The following SPOCK3 variants were observed in gnomAD, a reference collection of about 807,000 sequenced individuals.
SPOCK3 encodes testican-3.
SPOCK3 carries 30 observed loss-of-function variants against 56.6 expected under a neutral mutation model. That is an observed-to-expected ratio of 0.53 (90% confidence interval 0.40 to 0.72). The LOEUF (loss-of-function observed/expected upper bound fraction) is 0.72. Among genes scored for constraint, SPOCK3 ranks in the 30% least tolerant of loss-of-function variants. SPOCK3 has a pLI of 0.00. For synonymous variants in SPOCK3, 196 were observed against 183.3 expected (o/e 1.07, Z -0.56); for missense variants, 527 against 530.0 (o/e 0.99, Z 0.06).
intron 2 of SPOCK3, among the ~76,000 whole-genome samples, chr4:167,069,220 A>G (rs1756438720): frequency 6.6e-6 from 1 of 151,886 alleles, no homozygotes; most frequent in Non-Finnish European, 1.5e-5. Context: ...GGCTTTCAGG[A>G]CATTCTCGTG....
At chr4:167,094,520 T>C (rs1423025752) in intron 2 of SPOCK3, among the ~76,000 whole-genome samples, 2 of 152,038 alleles carry the variant, frequency 1.3e-5, no homozygotes, top group Admixed American at 6.6e-5. Context: ...GAAAAAAATC[T>C]AACAATCATA....
intron 4 of SPOCK3, among the ~76,000 whole-genome samples, chr4:166,942,856 G>T (rs1741268022): frequency 6.6e-6 from 1 of 152,136 alleles, no homozygotes; most frequent in South Asian, 2.1e-4. Context: ...AATATTCATG[G>T]CTTAATGAAA....
chr4:166,968,529 G>C (rs1745002125), intron 4 of SPOCK3, among the ~76,000 whole-genome samples: 1 of 152,214 alleles, frequency 6.6e-6, no homozygotes, highest in Admixed American at 6.5e-5. Flanking sequence ...GTGCAGCTCA[G>C]GCTGTTGCTT....
chr4:166,850,516 C>T (rs975904805), intron 6 of SPOCK3, among the ~76,000 whole-genome samples: 2 of 152,164 alleles, frequency 1.3e-5, no homozygotes, highest in Non-Finnish European at 2.9e-5. Flanking sequence ...GCGTGAGCAA[C>T]GCAGAAGACA....
chr4:167,102,154 G>A (rs1181087783), intron 2 of SPOCK3, among the ~76,000 whole-genome samples: 3 of 152,098 alleles, frequency 2.0e-5, no homozygotes, highest in Non-Finnish European at 4.4e-5. Context: ...AGCCTTATAA[G>A]GAGATCAGAT....
intron 2 of SPOCK3, among the ~76,000 whole-genome samples, chr4:167,105,846 T>C (rs993638216): frequency 1.6e-4 from 24 of 151,916 alleles, no homozygotes; most frequent in Middle Eastern, 3.4e-3. Context: ...AGTAGTTATA[T>C]AAGACAAAAT....
At chr4:166,866,414 A>G (rs1731848027) in intron 6 of SPOCK3, among the ~76,000 whole-genome samples, 1 of 152,198 alleles carries the variant, frequency 6.6e-6, no homozygotes, top group Non-Finnish European at 1.5e-5. Flanking sequence ...TTGCAGCAAA[A>G]GCCAAAATTG....
At chr4:167,186,994 AAAAG>A (rs1732043717) in intron 2 of SPOCK3, among the ~76,000 whole-genome samples, 1 of 151,942 alleles carries the variant, frequency 6.6e-6, no homozygotes, top group African/African-American at 2.4e-5. Context: ...AAAAAAAAAA[AAAAG>A]ACAGTAGTCC....
chr4:167,165,675 C>A (rs1184864845), intron 2 of SPOCK3, among the ~76,000 whole-genome samples: 5 of 151,802 alleles, frequency 3.3e-5, no homozygotes, highest in Admixed American at 2.6e-4. Flanking sequence ...ATACATAAAC[C>A]AAAAATATAA....
At chr4:167,183,637 C>T (rs554379904) in intron 2 of SPOCK3, among the ~76,000 whole-genome samples, 4 of 152,014 alleles carry the variant, frequency 2.6e-5, no homozygotes, top group Non-Finnish European at 5.9e-5. Flanking sequence ...TTTACTATTG[C>T]AAAAAGAATC....
intron 6 of SPOCK3, among the ~76,000 whole-genome samples, chr4:166,815,670 C>A (rs1340114272): frequency 6.6e-6 from 1 of 151,940 alleles, no homozygotes. Flanking sequence ...AGCCCAGCAA[C>A]CTGGGAGGCT....
At chr4:166,739,075 C>T (rs1369129866) in intron 9 of SPOCK3, among the ~76,000 whole-genome samples, 1 of 152,042 alleles carries the variant, frequency 6.6e-6, no homozygotes, top group African/African-American at 2.4e-5. Flanking sequence ...AACTAGTTTA[C>T]AGTCCCAGCA....
At chr4:166,940,531 G>A (rs1740932718) in intron 4 of SPOCK3, among the ~76,000 whole-genome samples, 1 of 151,732 alleles carries the variant, frequency 6.6e-6, no homozygotes, top group African/African-American at 2.4e-5. Context: ...AGCTATCTTC[G>A]GTAGAGACTT....
chr4:166,956,224 C>T (rs967152353), intron 4 of SPOCK3, among the ~76,000 whole-genome samples: 2 of 151,888 alleles, frequency 1.3e-5, no homozygotes, highest in Non-Finnish European at 2.9e-5. Flanking sequence ...CACACATACA[C>T]ACACACACAC....
intron 2 of SPOCK3, among the ~76,000 whole-genome samples, chr4:167,220,461 C>T (rs1000353084): frequency 2.6e-5 from 4 of 151,144 alleles, no homozygotes; most frequent in African/African-American, 7.3e-5. Flanking sequence ...TCACTGCAGC[C>T]TCTACCTCCT....
intron 8 of SPOCK3, 159 bp downstream of exon 8, chr4:166,754,349 T>C (rs1325597748): frequency 3.4e-5 from 47 of 1,375,208 alleles, no homozygotes; most frequent in Middle Eastern, 2.3e-4. Flanking sequence ...CAGAGTTATT[T>C]GTTCAACATG....
chr4:166,861,619 A>T (rs1731252736), intron 6 of SPOCK3, among the ~76,000 whole-genome samples: 1 of 152,068 alleles, frequency 6.6e-6, no homozygotes, highest in South Asian at 2.1e-4. Context: ...TGTGCTATTT[A>T]TGTGTGGCTC....
chr4:166,819,761 G>A (rs62353200), intron 6 of SPOCK3, among the ~76,000 whole-genome samples: 1 of 149,844 alleles, frequency 6.7e-6, no homozygotes, highest in Non-Finnish European at 1.5e-5. Context: ...TTTTTTTTTG[G>A]AGACAAGGTC....
chr4:166,910,123 T>C (rs914159351), intron 5 of SPOCK3, among the ~76,000 whole-genome samples: 1 of 152,146 alleles, frequency 6.6e-6, no homozygotes, highest in East Asian at 1.9e-4. Context: ...TAGTTTTTCA[T>C]TGTTTTATAT....
Sources: gnomAD v4.1 joint callset for allele counts (sites outside exome capture counted in the v4.1 genomes callset) on GRCh38, gnomAD v4.1.1 for gene constraint, MANE v1.5 for transcripts, NCBI Gene and HGNC (gene_info 2026-07-23, HGNC 2026-07-21) for gene names.